Variants in COL22A1 observed in about 807,000 individuals in gnomAD.
The protein encoded by COL22A1 is collagen alpha-1(XXII) chain.
In COL22A1, 221 loss-of-function variants were observed where a neutral mutation model predicts 248.9. That is an observed-to-expected ratio of 0.89 (90% confidence interval 0.80 to 0.99). The LOEUF (loss-of-function observed/expected upper bound fraction) is 0.99. Among genes scored for constraint, COL22A1 ranks in the 50% least tolerant of loss-of-function variants. The pLI, the probability that COL22A1 is intolerant of heterozygous loss-of-function variation, is 0.00. For missense variants in COL22A1, 2,240 were observed against 2,179.0 expected, an observed-to-expected ratio of 1.03 and a Z score of -0.56; for synonymous variants, 891 against 793.4, an observed-to-expected ratio of 1.12 and a Z score of -2.07.
At chr8:138,606,569 A>C in intron 57 of COL22A1, 117 bp from the exon 58 acceptor site, 31 of 951,672 alleles carry the variant, frequency 3.3e-5, no homozygotes, top group Non-Finnish European at 4.2e-5. Context: ...CAACACACAA[A>C]TCCTCCCATG....
At chr8:138,635,380 G>C (rs1821062588) in intron 48 of COL22A1, among the ~76,000 whole-genome samples, 1 of 152,246 alleles carries the variant, frequency 6.6e-6, no homozygotes, top group South Asian at 2.1e-4. Flanking sequence ...GTTAAGTGCA[G>C]GGTACATAAA....
At chr8:138,638,057 T>C (rs1821348817) in intron 47 of COL22A1, among the ~76,000 whole-genome samples, 2 of 152,134 alleles carry the variant, frequency 1.3e-5, no homozygotes, top group African/African-American at 4.8e-5. Flanking sequence ...ATCATTGTCA[T>C]CATTATTGCC....
chr8:138,869,723 A>G (rs573484680), intron 3 of COL22A1, among the ~76,000 whole-genome samples: 15 of 152,244 alleles, frequency 9.9e-5, no homozygotes, highest in Non-Finnish European at 2.1e-4. Flanking sequence ...AGTCCTAATA[A>G]GCCTCCCAAG....
chr8:138,894,138 T>C (rs1825243037), intron 1 of COL22A1, among the ~76,000 whole-genome samples: 1 of 152,094 alleles, frequency 6.6e-6, no homozygotes. Context: ...GGCATTCAAG[T>C]GTAAGGAAAG....
intron 2 of COL22A1, among the ~76,000 whole-genome samples, chr8:138,879,014 A>AAAACAAAAC (rs1216893970): frequency 6.6e-6 from 1 of 152,040 alleles, no homozygotes; most frequent in Non-Finnish European, 1.5e-5. Flanking sequence ...TCTCAAAAAC[A>AAAACAAAAC]AAACAAAACA....
chr8:138,748,499 G>A (rs1261297439), intron 22 of COL22A1, among the ~76,000 whole-genome samples: 1 of 152,224 alleles, frequency 6.6e-6, no homozygotes, highest in African/African-American at 2.4e-5. Context: ...AGGGGCCACT[G>A]GTGGCTGTGC....
chr8:138,820,733 T>G (rs1203693007), intron 7 of COL22A1, among the ~76,000 whole-genome samples: 1 of 152,208 alleles, frequency 6.6e-6, no homozygotes, highest in Non-Finnish European at 1.5e-5. Flanking sequence ...TACATATGTA[T>G]CTATATATGT....
At chr8:138,715,323 C>A (rs1829342155) in intron 30 of COL22A1, among the ~76,000 whole-genome samples, 1 of 151,936 alleles carries the variant, frequency 6.6e-6, no homozygotes, top group African/African-American at 2.4e-5. Context: ...TTTGGAAACC[C>A]AAGGCAGACA....
intron 63 of COL22A1, among the ~76,000 whole-genome samples, chr8:138,593,382 A>G (rs73448880): frequency 1.0e-4 from 15 of 150,586 alleles, no homozygotes; most frequent in African/African-American, 3.7e-4. Context: ...CTTGAAGTAA[A>G]TTTTTTTTTT....
At chr8:138,685,116 C>T in intron 38 of COL22A1, 92 bp downstream of exon 38, 1 of 918,788 alleles carries the variant, frequency 1.1e-6, no homozygotes, top group Non-Finnish European at 1.7e-6. Context: ...GGTTCAATTT[C>T]TGCAAAGTTT....
At chr8:138,720,335 C>T (rs751387899) in intron 27 of COL22A1, among the ~76,000 whole-genome samples, 6 of 152,094 alleles carry the variant, frequency 3.9e-5, no homozygotes, top group South Asian at 2.1e-4. Flanking sequence ...AGAGAGCGAG[C>T]GAGCACTTGT....
chr8:138,886,395 G>C (rs1414786267), intron 1 of COL22A1, among the ~76,000 whole-genome samples: 1 of 152,054 alleles, frequency 6.6e-6, no homozygotes, highest in Non-Finnish European at 1.5e-5. Context: ...GTTCATATTT[G>C]AGGGGAAGGA....
At chr8:138,664,209 G>GCGCT (rs1440442280) in intron 41 of COL22A1, among the ~76,000 whole-genome samples, 1 of 103,158 alleles carries the variant, frequency 9.7e-6, no homozygotes, top group African/African-American at 4.0e-5. Flanking sequence ...GCGCGCGCGC[G>GCGCT]CACACACACA....
intron 5 of COL22A1, among the ~76,000 whole-genome samples, chr8:138,828,273 T>C (rs1398883513): frequency 6.6e-6 from 1 of 151,998 alleles, no homozygotes; most frequent in Non-Finnish European, 1.5e-5. Flanking sequence ...ACAACACATA[T>C]GTGGGAGCTG....
intron 18 of COL22A1, among the ~76,000 whole-genome samples, chr8:138,759,096 T>G (rs748234151): frequency 1.3e-5 from 2 of 152,152 alleles, no homozygotes; most frequent in Admixed American, 6.5e-5. Context: ...CTAAAAATAC[T>G]TAGAAGGAGA....
At chr8:138,716,483 T>C (rs550042678) in intron 28 of COL22A1, among the ~76,000 whole-genome samples, 194 bp from the exon 29 acceptor site, 1 of 152,302 alleles carries the variant, frequency 6.6e-6, no homozygotes, top group South Asian at 2.1e-4. Context: ...CCCAAGCTCT[T>C]GTCTACTTCA....
chr8:138,692,161 T>G (rs1587877276), intron 35 of COL22A1, among the ~76,000 whole-genome samples: 1 of 151,840 alleles, frequency 6.6e-6, no homozygotes, highest in East Asian at 1.9e-4. Flanking sequence ...TATGTGTATG[T>G]GTGGAGGTGT....
intron 3 of COL22A1, among the ~76,000 whole-genome samples, chr8:138,847,409 C>A (rs762714242): frequency 6.6e-6 from 1 of 152,176 alleles, no homozygotes; most frequent in Non-Finnish European, 1.5e-5. Context: ...GCCCCATATC[C>A]ATTTCCCACT....
intron 46 of COL22A1, among the ~76,000 whole-genome samples, chr8:138,648,940 C>A (rs138236139): frequency 7.0e-4 from 106 of 152,294 alleles, no homozygotes; most frequent in African/African-American, 2.6e-3. Context: ...AGTGAGATTT[C>A]TTCCTGTCCT....
Sources: gnomAD v4.1 joint callset for allele counts (sites outside exome capture counted in the v4.1 genomes callset) on GRCh38, gnomAD v4.1.1 for gene constraint, MANE v1.5 for transcripts, NCBI Gene and HGNC (gene_info 2026-07-23, HGNC 2026-07-21) for gene names.